Variants in RYR1 observed in about 807,000 individuals in gnomAD.
The protein encoded by RYR1 is central core disease of muscle.
In RYR1, 342 loss-of-function variants were observed where a neutral mutation model predicts 583.5. The observed-to-expected ratio is 0.59, with a 90% CI of 0.54 to 0.64. The LOEUF is 0.64. Among genes scored for constraint, RYR1 ranks in the 30% least tolerant of loss-of-function variants. The probability of loss-of-function intolerance (pLI) is 0.00; values close to 1 mark genes in which losing one functional copy is unlikely to be tolerated. For synonymous variants in RYR1, 2,791 were observed against 2,822.5 expected (o/e 0.99, Z 0.35); for missense variants, 6,032 against 6,917.2 (o/e 0.87, Z 4.54).
rs10415792 is a variant in RYR1, at chr19:38,564,664, C to T, written c.12625-295C>T. Among the ~76,000 whole-genome samples the T allele has an allele frequency of 0.032, 4,917 of 152,080 alleles. 151 individuals are homozygous for T. The highest frequency in any genetic ancestry group is 0.11 in the East Asian group (569 of 5,162). ...TCCCGAGTAACGGATTACAGGGGTGCGCCACCACACCGGCTAATTTTTGCA... is the reference window on the plus strand; with the variant it reads ...TCCCGAGTAACGGATTACAGGGGTGTGCCACCACACCGGCTAATTTTTGCA... On this transcript the variant is annotated intron_variant, in intron 90 of 105. Transcript: ENST00000359596.
chr19:38,536,839 C>G lies in RYR1; in HGVS notation c.11608+72C>G, dbSNP rs112198494. 6.6e-6 allele frequency: 10 copies of G among 1,508,834 alleles called. 1 individual carries two copies. Among genetic ancestry groups the G allele is most frequent in the African/African-American group, 5.5e-5 (4 of 72,974 alleles). 93.5% of individuals were successfully genotyped at this position (1,508,834 alleles called of 1,614,324 possible). On this transcript the variant is annotated intron_variant, in intron 83 of 105. Transcript: ENST00000359596. ...CTCCTAACCCCGTCCACCCCTCCAC[C>G]TAGGGGCTGAGGATCTGGGACGTGG... is the stretch of plus-strand genomic sequence containing the variant.
At chr19:38,465,393 A>C (rs912682891) in intron 23 of RYR1, among the ~76,000 whole-genome samples, 9 of 152,116 alleles carry the variant, frequency 5.9e-5, no homozygotes, top group Non-Finnish European at 1.5e-5. Flanking sequence ...GCTTGAACCC[A>C]GGAGTTTGAG....
In RYR1 at chr19:38,464,725, G is replaced by C. The variant is rs1314195050; in HGVS notation, c.2870+3G>C. On this transcript the variant is annotated splice_donor_region_variant and intron_variant, in intron 23 of 105. Transcript: ENST00000359596. ...AAGAAGACAAAACTCCCCAAGACGT[G>C]AGTGTGGGCAGCCAGGTCCCGTCTG... 1 of 1,576,548 alleles carries C rather than the reference G, an allele frequency of 6.3e-7. No individual in the cohort carries two copies. The highest frequency in any genetic ancestry group is 1.9e-5 in the Admixed American group (1 of 53,818).
Position 38,489,251 on chromosome 19 carries a change from A to G in RYR1, c.5622A>G (p.Glu1874=), listed in dbSNP as rs35021937. The part of the protein sequence containing the change: ...KMIEPEVFTE[E]EEEEDEEEEG... ...TTGAGCCTGAGGTCTTCACTGAGGA[A>G]GAAGAGGAGGAGGACGAGGAGGAAG... The change falls in exon 35 of 106, where the codon GAA becomes GAG. Residue 1874 remains glutamate, a synonymous_variant. Transcript: ENST00000359596. 0.029 allele frequency: 46,383 copies of G among 1,613,096 alleles called. 842 individuals are homozygous for G. Among genetic ancestry groups the G allele is most frequent in the Non-Finnish European group, 0.032 (38,146 of 1,179,196 alleles).
intron 67 of RYR1, among the ~76,000 whole-genome samples, chr19:38,521,554 C>T (rs894617977): frequency 6.7e-6 from 1 of 149,834 alleles, no homozygotes; most frequent in Admixed American, 6.7e-5. Flanking sequence ...GGCGTGGTGG[C>T]GCATACCTGT....
chr19:38,491,296 A>T (rs1600790991), intron 37 of RYR1, among the ~76,000 whole-genome samples: 2 of 152,082 alleles, frequency 1.3e-5, no homozygotes, highest in African/African-American at 4.8e-5. Flanking sequence ...CTTACTTTTT[A>T]TCAAAGTTGG....
chr19:38,541,094 C>T (rs903570144), intron 84 of RYR1, among the ~76,000 whole-genome samples: 1 of 152,218 alleles, frequency 6.6e-6, no homozygotes, highest in African/African-American at 2.4e-5. Flanking sequence ...CAGTTTCACG[C>T]AGAGGTTCTC....
chr19:38,524,817 G>A (rs1971397581), intron 70 of RYR1, among the ~76,000 whole-genome samples: 1 of 152,186 alleles, frequency 6.6e-6, no homozygotes, highest in Non-Finnish European at 1.5e-5. Flanking sequence ...ACTTGGTTTT[G>A]GGATGTGAAG....
chr19:38,554,963 AG>A (rs1862369822), intron 89 of RYR1, among the ~76,000 whole-genome samples: 1 of 152,172 alleles, frequency 6.6e-6, no homozygotes, highest in East Asian at 1.9e-4. Flanking sequence ...AGTGGTTTAT[AG>A]TGTGTTCACA....
At position 38,496,506 on chromosome 19, in the gene RYR1, T is replaced by C. The variant is rs948875754; in HGVS notation, c.6761T>C (p.Leu2254Pro). 5.0e-6 allele frequency: 8 copies of C among 1,613,496 alleles called. No individual in the cohort carries two copies. The highest frequency in any genetic ancestry group is 6.8e-6 in the Non-Finnish European group (8 of 1,179,942). ...AACCAGCGCTCCATGTTTGACCACC[T>C]GAGCTACCTGCTGGAGAACAGTGGC... ...RQNQRSMFDH[L>P]SYLLENSGIG... Residue 2254 changes from leucine (L) to proline (P), a missense_variant, in exon 41 of 106, where the codon CTG becomes CCG. Leu to Pro is a moderately conservative substitution (Grantham distance 98). This residue lies in a region of RYR1 where 2,627 missense variants were observed against 2,961.3 expected (regional missense o/e 0.89). Transcript: ENST00000359596. The surrounding 1 kb of genome is among the most constrained non-coding windows in gnomAD (Gnocchi z 4.8).
rs1382462619 is a variant in RYR1 at position 38,441,165 on chromosome 19, C to T, written c.165+301C>T. Among the ~76,000 whole-genome samples the T allele has an allele frequency of 3.0e-5, 4 of 133,308 alleles. No individual in the cohort carries two copies. The Admixed American group carries it at 3.5e-4, about 12-fold the overall frequency. 87.5% of individuals were successfully genotyped at this position (133,308 alleles called of 152,430 possible). ...AGGTGGCTGAGTGGGCAGAAAGCCTCGGGTTTAAGGGGAGGTAGCCTGAGA... is the reference window on the plus strand; with the variant it reads ...AGGTGGCTGAGTGGGCAGAAAGCCTTGGGTTTAAGGGGAGGTAGCCTGAGA... On this transcript the variant is annotated intron_variant, in intron 2 of 105. Coordinates refer to ENST00000359596, the MANE Select transcript of RYR1 (RefSeq NM_000540.3).
chr19:38,472,434 A>G (rs924387077), intron 27 of RYR1, among the ~76,000 whole-genome samples: 1 of 152,190 alleles, frequency 6.6e-6, no homozygotes, highest in Non-Finnish European at 1.5e-5. Context: ...ACACAGGTTC[A>G]GTTGCTCATC....
In RYR1 at chr19:38,496,990, A is replaced by G; in HGVS notation, c.6891+36A>G. 6.3e-7 allele frequency: 1 copy of G among 1,577,260 alleles called. No homozygotes were observed. On this transcript the variant is annotated intron_variant, in intron 42 of 105. Transcript: ENST00000359596. This position sits in a 1 kb window ranked among gnomAD's most constrained non-coding sequence, Gnocchi z 4.8. ...CAGGGCTGGGCCCCAGGCCTAAGGG[A>G]GGAAATCGGGCCGCTACCCGGCTGC...
chr19:38,528,062 GGGTCGTAGAATT>G (rs1443972809), intron 73 of RYR1: 3 of 623,168 alleles, frequency 4.8e-6, no homozygotes, highest in Non-Finnish European at 8.5e-6. Flanking sequence ...GGCCTTGGGT[GGGTCGTAGAATT>G]GGTCGTGGCC....
chr19:38,502,663 C>G lies in RYR1; in HGVS notation c.7771C>G (p.Arg2591Gly), dbSNP rs193922822. Residue 2591 changes from arginine to glycine, a missense_variant, in exon 48 of 106, where the codon CGG (arginine) becomes GGG (glycine). Arg to Gly is a moderately radical substitution (Grantham distance 125). This residue lies in a region of RYR1 where 250 missense variants were observed against 162.3 expected (regional missense o/e 1.54). Coordinates refer to ENST00000359596, the MANE Select transcript of RYR1 (RefSeq NM_000540.3). ...GCTGCATACCGTGTACCGCCTGTCT[C>G]GGGGTCGTTCGCTCACCAAGGCGCA... ...SMLHTVYRLSRGRSLTKAQRD... is the reference protein window; with the variant it reads ...SMLHTVYRLSGGRSLTKAQRD... The G allele has an allele frequency of 3.1e-6, 5 of 1,611,010 alleles. No individual in the cohort carries two copies. The African/African-American group carries it at 4.0e-5, about 13-fold the overall frequency.
rs778214809 is a variant in RYR1, at chr19:38,505,822, G to A, written c.8417G>A (p.Arg2806His). ...CCACCCCAGGACAAAGAGATTTACC[G>A]CTGGCCCATCAAGGAGTCCCTGAAG... ...TFSEKDKEIY[R>H]WPIKESLKAM... is the part of the protein sequence containing the mutation. The change falls in exon 54 of 106, where the codon CGC (arginine) becomes CAC (histidine). Residue 2806 changes from arginine to histidine, a missense_variant. Arg to His is a conservative substitution (Grantham distance 29). This residue lies in a region of RYR1 where 1,493 missense variants were observed against 1,715.5 expected (regional missense o/e 0.87). Coordinates refer to ENST00000359596, the MANE Select transcript of RYR1 (RefSeq NM_000540.3). 1.4e-5 allele frequency: 23 copies of A among 1,613,994 alleles called. No individual in the cohort carries two copies. The highest frequency in any genetic ancestry group is 1.2e-4 in the South Asian group (11 of 91,078).
In RYR1 at chr19:38,565,720, T is replaced by C; in HGVS notation, c.13386T>C (p.Pro4462=). The change falls in exon 91 of 106, where the codon CCT becomes CCC. Residue 4462 remains proline (P), a synonymous_variant. Transcript: ENST00000359596. This position sits in a 1 kb window ranked among gnomAD's most constrained non-coding sequence, Gnocchi z 4.7. The stretch of plus-strand genomic sequence containing the variant: ...TCGGGGACATGGGGGACACGACGCC[T>C]GCGGAACCGCCCACACCCGAGGGCT... ...GGLGDMGDTT[P]AEPPTPEGSP... 7.0e-7 allele frequency: 1 copy of C among 1,429,296 alleles called. No homozygotes were observed. 88.5% of individuals were successfully genotyped at this position (1,429,296 alleles called of 1,614,324 possible).
At position 38,496,741 on chromosome 19, in the gene RYR1, G is replaced by A; in HGVS notation, c.6797-119G>A. 2 of 1,161,322 alleles carry A rather than the reference G, an allele frequency of 1.7e-6. No individual in the cohort carries two copies. Among genetic ancestry groups the A allele is most frequent in the African/African-American group, 3.0e-5 (2 of 66,038 alleles). The allele number at this position is 1,161,322 out of a possible 1,614,324, so 71.9% of individuals were successfully genotyped here. ...CAGAGTGGTCAGAGCTTGGATGAGG[G>A]AAGTACAGACCAGAGGAGGCACCTG... On this transcript the variant is annotated intron_variant, in intron 41 of 105. Transcript: ENST00000359596. The surrounding 1 kb of genome is among the most constrained non-coding windows in gnomAD (Gnocchi z 4.8).
chr19:38,495,338 C>T (rs1381656534), intron 39 of RYR1, among the ~76,000 whole-genome samples: 5 of 152,216 alleles, frequency 3.3e-5, no homozygotes, highest in East Asian at 1.9e-4. Flanking sequence ...GCACCTACTT[C>T]GTGCCAGGCA....
Sources: gnomAD v4.1 joint callset for allele counts (sites outside exome capture counted in the v4.1 genomes callset) on GRCh38, gnomAD v4.1.1 for gene constraint, gnomAD v4.1.1 regional missense constraint, Gnocchi (gnomAD v3.1) non-coding constraint, MANE v1.5 for transcripts, NCBI Gene and HGNC (gene_info 2026-07-23, HGNC 2026-07-21) for gene names.